ANO4: variants seen among roughly 807,000 people sequenced by gnomAD.
ANO4 encodes the protein anoctamin-4.
Under a neutral mutation model 141.9 loss-of-function variants are expected in ANO4, and 69 were observed. The observed-to-expected ratio is 0.49, with a 90% confidence interval of 0.40 to 0.59. The LOEUF is 0.59. Ranked by LOEUF, ANO4 falls within the 20% of genes least tolerant of loss-of-function variation. ANO4 has a pLI of 0.00. For synonymous variants in ANO4, 350 were observed against 394.3 expected, an observed-to-expected ratio of 0.89 and a Z score of 1.33; for missense variants, 894 against 1,162.2, an observed-to-expected ratio of 0.77 and a Z score of 3.36.
chr12:101,082,468 C>T (rs895201449), intron 15 of ANO4, among the ~76,000 whole-genome samples: 5 of 152,236 alleles, frequency 3.3e-5, no homozygotes, highest in Non-Finnish European at 1.5e-5. Context: ...ATGACTAGCT[C>T]AAGGGCTCTT....
rs993721593 is a variant in ANO4 at position 100,942,275 on chromosome 12, G to A, written c.298-102G>A. 27 of 1,391,464 alleles carry A rather than the reference G, an allele frequency of 1.9e-5. No homozygotes were observed. The Admixed American group carries it at 2.0e-4, about 10-fold the overall frequency. 86.2% of individuals were successfully genotyped at this position (1,391,464 alleles called of 1,614,324 possible). On this transcript the variant is annotated intron_variant, in intron 4 of 27. Coordinates refer to ENST00000392977, the MANE Select transcript of ANO4 (RefSeq NM_001286615.2). ...ATTACAGGCATGAGCCACCGCACCCGAACTGAAAAAAGTTATTTAGTTTTA... is the reference window on the plus strand; with the variant it reads ...ATTACAGGCATGAGCCACCGCACCCAAACTGAAAAAAGTTATTTAGTTTTA...
chr12:101,068,539 T>C, intron 14 of ANO4: 2 of 1,212,076 alleles, frequency 1.7e-6, no homozygotes, highest in South Asian at 1.2e-5. Context: ...AGGATCTAAG[T>C]GTTAGGTGGA....
chr12:100,730,681 C>A (rs1198406661), intron 1 of ANO4, among the ~76,000 whole-genome samples: 1 of 152,088 alleles, frequency 6.6e-6, no homozygotes, highest in Non-Finnish European at 1.5e-5. Flanking sequence ...GATGTGTAAA[C>A]CAGTGTAATC....
chr12:101,104,669 A>G (rs1486093136), intron 22 of ANO4, among the ~76,000 whole-genome samples: 1 of 61,152 alleles, frequency 1.6e-5, no homozygotes, highest in Non-Finnish European at 2.8e-5. Flanking sequence ...ATATATATAT[A>G]TAAATAAAAA....
Position 101,079,264 on chromosome 12 carries a change from G to A in ANO4, c.1384G>A (p.Glu462Lys). 1 of 1,613,666 alleles carries A rather than the reference G, an allele frequency of 6.2e-7. No individual in the cohort carries two copies. The highest frequency in any genetic ancestry group is 8.5e-7 in the Non-Finnish European group (1 of 1,179,654). Residue 462 changes from glutamate (E) to lysine (K), a missense_variant, in exon 15 of 28, where the codon GAA becomes AAA. Physicochemically the swap from Glu to Lys is moderately conservative, Grantham distance 56. Around this residue, in one of 2 missense-constraint regions of ANO4, gnomAD observed 637 missense variants for 909.2 expected, o/e 0.70. Coordinates refer to ENST00000392977, the MANE Select transcript of ANO4 (RefSeq NM_001286615.2). ...IAYDWDLIDW[E>K]EEEEEIRPQF... Reference sequence around the variant, plus strand: ...TTATGACTGGGATTTGATAGACTGGGAAGAAGAGGAGGTTTGTATCATTTA... The same window carrying A: ...TTATGACTGGGATTTGATAGACTGGAAAGAAGAGGAGGTTTGTATCATTTA...
At chr12:100,899,264 C>T (rs972360600) in intron 1 of ANO4, among the ~76,000 whole-genome samples, 18 of 152,300 alleles carry the variant, frequency 1.2e-4, no homozygotes, top group Middle Eastern at 6.8e-3. Flanking sequence ...GGGGCAGACT[C>T]ATACCAAGCA....
rs2050333168 is a variant in ANO4, at chr12:101,104,555, T to C, written c.2149+4835T>C. On this transcript the variant is annotated intron_variant, in intron 22 of 27. Coordinates refer to ENST00000392977, the MANE Select transcript of ANO4 (RefSeq NM_001286615.2). ...ATTTAATTACACTGTTATCAGAGTA[T>C]ATTCTCTACGTTATTTCAGGCTTTT... Among the ~76,000 whole-genome samples the C allele has an allele frequency of 2.0e-5, 3 of 148,442 alleles. No individual in the cohort carries two copies. The South Asian group carries it at 6.4e-4, about 32-fold the overall frequency.
chr12:100,827,264 T>C (rs1415718750), intron 1 of ANO4, among the ~76,000 whole-genome samples: 1 of 152,036 alleles, frequency 6.6e-6, no homozygotes, highest in Non-Finnish European at 1.5e-5. Context: ...ATGTTTTTGC[T>C]TTAAGACCTT....
chr12:100,838,387 G>A (rs2037062573), intron 1 of ANO4, among the ~76,000 whole-genome samples: 2 of 152,042 alleles, frequency 1.3e-5, no homozygotes, highest in Admixed American at 1.3e-4. Flanking sequence ...ATTCTAAGCT[G>A]ACAATCATAG....
At chr12:100,993,902 A>G (rs2045253991) in intron 8 of ANO4, among the ~76,000 whole-genome samples, 1 of 152,224 alleles carries the variant, frequency 6.6e-6, no homozygotes, top group African/African-American at 2.4e-5. Flanking sequence ...AGGTTCGAAC[A>G]GGAAGGCTCT....
At chr12:100,956,856 T>C (rs2043194198) in intron 5 of ANO4, among the ~76,000 whole-genome samples, 1 of 152,238 alleles carries the variant, frequency 6.6e-6, no homozygotes, top group Non-Finnish European at 1.5e-5. Flanking sequence ...TTATGTCACA[T>C]AATGTTTTAC....
At chr12:100,936,591 C>G (rs1478408520) in intron 3 of ANO4, among the ~76,000 whole-genome samples, 1 of 152,162 alleles carries the variant, frequency 6.6e-6, no homozygotes, top group Non-Finnish European at 1.5e-5. Context: ...TCAAGAGTTT[C>G]TCCTTAGTAT....
chr12:101,072,866 A>G (rs548556710), intron 14 of ANO4, among the ~76,000 whole-genome samples: 1 of 152,368 alleles, frequency 6.6e-6, no homozygotes, highest in African/African-American at 2.4e-5. Context: ...GAGGAATGCA[A>G]ATCAAAACCA....
At position 100,971,399 on chromosome 12, in the gene ANO4, C is replaced by A; in HGVS notation, c.550C>A (p.Pro184Thr). ...RYAEQMNVRM[P>T]FRRKIYYLPR... ...TGCAGAACAAATGAATGTAAGAATGCCTTTCAGGTAGGTGGAAATGTATTT... is the reference window on the plus strand; with the variant it reads ...TGCAGAACAAATGAATGTAAGAATGACTTTCAGGTAGGTGGAAATGTATTT... Residue 184 changes from proline (P) to threonine (T), a missense_variant, in exon 6 of 28, where the codon CCT (proline) becomes ACT (threonine). Pro to Thr is a conservative substitution (Grantham distance 38, BLOSUM62 -1). Transcript: ENST00000392977. 6.3e-7 allele frequency: 1 copy of A among 1,597,174 alleles called. No homozygotes were observed. Among genetic ancestry groups the A allele is most frequent in the Non-Finnish European group, 8.6e-7 (1 of 1,166,504 alleles).
intron 2 of ANO4, among the ~76,000 whole-genome samples, chr12:100,734,018 G>A (rs1336363137): frequency 6.6e-6 from 1 of 152,134 alleles, no homozygotes; most frequent in Admixed American, 6.5e-5. Context: ...TTTCTGGATC[G>A]CCCTCTTGTG....
In ANO4 at chr12:100,864,313, A is replaced by G. The variant is rs1205338206; in HGVS notation, c.-140-37333A>G. Among the ~76,000 whole-genome samples, 3 of 152,122 alleles carry G rather than the reference A, an allele frequency of 2.0e-5. 1 individual carries two copies. Among genetic ancestry groups the G allele is most frequent in the African/African-American group, 4.8e-5 (2 of 41,438 alleles). On this transcript the variant is annotated intron_variant, in intron 1 of 27. Transcript: ENST00000392977. ...GGTAGGTCCATTTTACACGAATTACATGGAAGTAGAGGAGGAAAGGCAGGC... is the reference window on the plus strand; with the variant it reads ...GGTAGGTCCATTTTACACGAATTACGTGGAAGTAGAGGAGGAAAGGCAGGC...
intron 1 of ANO4, among the ~76,000 whole-genome samples, chr12:100,870,363 A>G (rs1276345362): frequency 1.3e-5 from 2 of 152,202 alleles, no homozygotes; most frequent in East Asian, 1.9e-4. Context: ...AGTTATCCTT[A>G]TCATATTCTA....
intron 2 of ANO4, among the ~76,000 whole-genome samples, chr12:100,914,255 G>A (rs756333443): frequency 1.3e-5 from 2 of 152,184 alleles, no homozygotes; most frequent in Admixed American, 6.5e-5. Context: ...ATTACTGGCC[G>A]ATGCAGTAGA....
intron 9 of ANO4, among the ~76,000 whole-genome samples, chr12:101,034,125 A>G (rs1300615743): frequency 2.0e-5 from 3 of 152,312 alleles, no homozygotes; most frequent in Non-Finnish European, 2.9e-5. Context: ...TGACCCAGCA[A>G]TCCCATTACT....
Sources: allele counts gnomAD v4.1 joint callset (sites outside exome capture counted in the v4.1 genomes callset), GRCh38; gene constraint gnomAD v4.1.1; regional missense constraint gnomAD v4.1.1; transcripts MANE v1.5; gene names NCBI Gene and HGNC (gene_info 2026-07-23, HGNC 2026-07-21).